Variants in MAGI2 observed in about 807,000 individuals in gnomAD.
The protein encoded by MAGI2 is membrane-associated guanylate kinase, WW and PDZ domain-containing protein 2.
A neutral mutation model predicts 133.3 loss-of-function variants in MAGI2; 35 were observed. The ratio of observed to expected loss-of-function variants is 0.26; its 90% confidence interval spans 0.20 to 0.35. The LOEUF (loss-of-function observed/expected upper bound fraction) is 0.35. MAGI2 is among the 10% of genes least tolerant of loss of function. The pLI, the probability that MAGI2 is intolerant of heterozygous loss-of-function variation, is 1.00. For synonymous variants in MAGI2, 729 were observed against 710.6 expected, an observed-to-expected ratio of 1.03 and a Z score of -0.41; for missense variants, 1,636 against 1,863.4, an observed-to-expected ratio of 0.88 and a Z score of 2.25.
intron 7 of MAGI2, among the ~76,000 whole-genome samples, chr7:78,366,143 C>T (rs73367626): frequency 0.041 from 6,224 of 152,154 alleles, 375 homozygotes; most frequent in African/African-American, 0.13. Flanking sequence ...ATCCACTGCT[C>T]ATTATCACTA....
At chr7:79,156,317 A>G (rs964459561) in intron 1 of MAGI2, among the ~76,000 whole-genome samples, 2 of 152,120 alleles carry the variant, frequency 1.3e-5, no homozygotes, top group Non-Finnish European at 2.9e-5. Flanking sequence ...GAAAATTTGC[A>G]TCTGTAAAGA....
chr7:78,067,446 A>T (rs980360999), intron 21 of MAGI2, among the ~76,000 whole-genome samples: 2 of 152,208 alleles, frequency 1.3e-5, no homozygotes, highest in African/African-American at 4.8e-5. Context: ...TTATGAGTGT[A>T]TGTGTCCAAT....
intron 1 of MAGI2, among the ~76,000 whole-genome samples, chr7:79,386,605 G>A (rs1280077802): frequency 6.6e-6 from 1 of 152,070 alleles, no homozygotes; most frequent in Non-Finnish European, 1.5e-5. Context: ...AGTTGTCAAG[G>A]TAACACATTC....
intron 1 of MAGI2, among the ~76,000 whole-genome samples, chr7:79,269,046 G>A (rs1352846483): frequency 1.3e-5 from 2 of 152,114 alleles, no homozygotes; most frequent in Non-Finnish European, 2.9e-5. Context: ...AAAGAGGGAA[G>A]GAAAAGTAAA....
chr7:78,897,127 C>G (rs1031048509), intron 2 of MAGI2, among the ~76,000 whole-genome samples: 1 of 152,184 alleles, frequency 6.6e-6, no homozygotes, highest in African/African-American at 2.4e-5. Context: ...ATGGAACTCT[C>G]TAGTTTTAGA....
intron 3 of MAGI2, among the ~76,000 whole-genome samples, chr7:78,560,819 T>C (rs1046888398): frequency 6.6e-6 from 1 of 152,194 alleles, no homozygotes; most frequent in Non-Finnish European, 1.5e-5. Flanking sequence ...GCATCAGGAA[T>C]TGACATCTAG....
chr7:78,851,717 G>A (rs1043635372), intron 2 of MAGI2, among the ~76,000 whole-genome samples: 1 of 152,054 alleles, frequency 6.6e-6, no homozygotes, highest in African/African-American at 2.4e-5. Flanking sequence ...TCAATATTAT[G>A]TCTGAGATCC....
At chr7:78,396,078 T>G (rs1047544473) in intron 6 of MAGI2, among the ~76,000 whole-genome samples, 3 of 152,162 alleles carry the variant, frequency 2.0e-5, no homozygotes, top group African/African-American at 7.2e-5. Context: ...TCAAGAAACA[T>G]GAGTAGAATA....
chr7:78,216,593 C>T (rs1446735272), intron 10 of MAGI2, among the ~76,000 whole-genome samples: 2 of 152,186 alleles, frequency 1.3e-5, no homozygotes. Flanking sequence ...TTCAGTCTCC[C>T]TCTTACCACA....
chr7:78,694,431 A>G (rs1256700049), intron 2 of MAGI2, among the ~76,000 whole-genome samples: 1 of 152,108 alleles, frequency 6.6e-6, no homozygotes, highest in Non-Finnish European at 1.5e-5. Context: ...AGAATTAAGG[A>G]TTTTCTTTCT....
chr7:78,678,166 G>A (rs529842143), intron 2 of MAGI2, among the ~76,000 whole-genome samples: 147 of 152,144 alleles, frequency 9.7e-4, no homozygotes, highest in African/African-American at 3.3e-3. Flanking sequence ...AACTAATTTC[G>A]AAATCCAAAG....
At chr7:78,831,946 A>C (rs1791196571) in intron 2 of MAGI2, among the ~76,000 whole-genome samples, 1 of 152,202 alleles carries the variant, frequency 6.6e-6, no homozygotes. Flanking sequence ...GGAAGGGTCC[A>C]TTTGGCTGCA....
At chr7:79,181,434 A>G (rs1826611200) in intron 1 of MAGI2, among the ~76,000 whole-genome samples, 1 of 151,972 alleles carries the variant, frequency 6.6e-6, no homozygotes, top group Non-Finnish European at 1.5e-5. Context: ...CCCAAGCTCT[A>G]TCTTGACCCC....
intron 2 of MAGI2, among the ~76,000 whole-genome samples, chr7:78,675,176 T>C (rs1585050172): frequency 6.6e-6 from 1 of 152,116 alleles, no homozygotes; most frequent in East Asian, 1.9e-4. Context: ...TAGTTCCAAA[T>C]TGACTCCACT....
chr7:78,263,437 A>C (rs920664220), intron 9 of MAGI2, among the ~76,000 whole-genome samples: 1 of 152,184 alleles, frequency 6.6e-6, no homozygotes, highest in Non-Finnish European at 1.5e-5. Context: ...GAACTTCTGC[A>C]ATAGTCTCTT....
chr7:79,022,795 G>C (rs1809476391), intron 1 of MAGI2, among the ~76,000 whole-genome samples: 1 of 152,068 alleles, frequency 6.6e-6, no homozygotes, highest in Admixed American at 6.6e-5. Flanking sequence ...TCCCAAGATT[G>C]AACCAGGAAG....
intron 2 of MAGI2, among the ~76,000 whole-genome samples, chr7:78,860,498 G>C (rs1350974949): frequency 6.6e-6 from 1 of 152,192 alleles, no homozygotes; most frequent in East Asian, 1.9e-4. Context: ...GTGGGAGTTT[G>C]CTGGAGGTTC....
chr7:79,165,281 A>G (rs529486228), intron 1 of MAGI2, among the ~76,000 whole-genome samples: 2 of 152,014 alleles, frequency 1.3e-5, no homozygotes, highest in South Asian at 4.1e-4. Context: ...AAAAGGCAAA[A>G]CCACCGCTTT....
In MAGI2 at chr7:78,541,198, T is replaced by C. The variant is rs186638487; in HGVS notation, c.539-19553A>G. ...CAACACCAGGCTGCAATAAGGATTTTTTTTTTAAACATTACAGCATCCTAT... is the reference window on the plus strand; with the variant it reads ...CAACACCAGGCTGCAATAAGGATTTCTTTTTTAAACATTACAGCATCCTAT... On this transcript the variant is annotated intron_variant, in intron 3 of 21. Transcript: ENST00000354212. Among the ~76,000 whole-genome samples, 102 of 152,380 alleles carry C rather than the reference T, an allele frequency of 6.7e-4. 1 individual carries two copies. Among genetic ancestry groups the C allele is most frequent in the Middle Eastern group, 6.8e-3 (2 of 294 alleles).
Sources: gnomAD v4.1 joint callset for allele counts (sites outside exome capture counted in the v4.1 genomes callset) on GRCh38, gnomAD v4.1.1 for gene constraint, MANE v1.5 for transcripts, NCBI Gene and HGNC (gene_info 2026-07-23, HGNC 2026-07-21) for gene names.